Variants in TAF5L observed in about 807,000 individuals in gnomAD.
The protein encoded by TAF5L is TAF5-like RNA polymerase II p300/CBP-associated factor-associated factor 65 kDa subunit 5L.
A neutral mutation model predicts 51.3 loss-of-function variants in TAF5L; 7 were observed. The ratio of observed to expected loss-of-function variants is 0.14; its 90% CI spans 0.08 to 0.26. The LOEUF (loss-of-function observed/expected upper bound fraction) is 0.26, where lower values mean the gene tolerates loss of function less well. Among genes scored for constraint, TAF5L ranks in the 10% least tolerant of loss-of-function variants. TAF5L has a pLI of 1.00. For synonymous variants in TAF5L, 291 were observed against 308.1 expected (o/e 0.94, Z 0.58); for missense variants, 575 against 758.9 (o/e 0.76, Z 2.85).
intron 4 of TAF5L, among the ~76,000 whole-genome samples, chr1:229,595,610 C>T (rs987114175): frequency 1.3e-4 from 20 of 152,170 alleles, no homozygotes; most frequent in Admixed American, 3.3e-4. Context: ...TCCTTACTCC[C>T]ATGATGGGGG....
intron 4 of TAF5L, chr1:229,599,200 G>T: frequency 1.1e-6 from 1 of 899,412 alleles, no homozygotes; most frequent in Non-Finnish European, 1.3e-6. Context: ...ACAGTGCTGT[G>T]AATTCAGTTT....
intron 1 of TAF5L, among the ~76,000 whole-genome samples, chr1:229,623,437 T>TCCACC (rs1038159641): frequency 8.5e-5 from 13 of 152,192 alleles, no homozygotes; most frequent in African/African-American, 3.1e-4. Flanking sequence ...TGGGTCCCAC[T>TCCACC]CCACCTTCTC....
chr1:229,593,879 AG>A (rs1392915768), exon 5 of TAF5L: 1 of 156,428 alleles, frequency 6.4e-6, no homozygotes, highest in African/African-American at 2.4e-5. Flanking sequence ...TCTGCCAACA[AG>A]GACTTCCCTC....
In TAF5L at chr1:229,625,876, G is replaced by C. The variant is rs1486021891; in HGVS notation, c.-4+9C>G. 1 of 120,806 alleles carries C rather than the reference G, an allele frequency of 8.3e-6. No individual in the cohort carries two copies. The highest frequency in any genetic ancestry group is 1.7e-5 in the Non-Finnish European group (1 of 59,438). 7.5% of individuals were successfully genotyped at this position (120,806 alleles called of 1,614,324 possible). A position where few individuals can be genotyped will look rare whatever the true frequency, so the allele number is the denominator to read the frequency against. On this transcript the variant is annotated intron_variant, in intron 1 of 4. Transcript: ENST00000258281. The surrounding 1 kb of genome is among the most constrained non-coding windows in gnomAD (Gnocchi z 4.0). ...CCCGGCCCTCCCCGCCCGTGCTCCC[G>C]GCACTCACTGAACATCCCAGGCGGC...
At chr1:229,619,448 G>A (rs1665126982) in intron 1 of TAF5L, among the ~76,000 whole-genome samples, 1 of 152,182 alleles carries the variant, frequency 6.6e-6, no homozygotes, top group African/African-American at 2.4e-5. Context: ...AGGACGCAGT[G>A]AAGAATGTGG....
intron 4 of TAF5L, chr1:229,601,775 T>C: frequency 9.9e-7 from 1 of 1,014,158 alleles, no homozygotes; most frequent in Non-Finnish European, 1.2e-6. Context: ...CAACCTTCTG[T>C]GGGGAAAATA....
chr1:229,614,581 G>A, intron 1 of TAF5L, 96 bp from the exon 2 acceptor site: 1 of 1,502,312 alleles, frequency 6.7e-7, no homozygotes, highest in Non-Finnish European at 9.0e-7. Context: ...ACACATGGGA[G>A]AGAAAGACCA....
chr1:229,622,368 A>G (rs1383468536), intron 1 of TAF5L, among the ~76,000 whole-genome samples: 1 of 152,086 alleles, frequency 6.6e-6, no homozygotes, highest in Non-Finnish European at 1.5e-5. Context: ...AGCCCCAAAC[A>G]TGAGACTTTT....
At chr1:229,622,171 C>T (rs1665234620) in intron 1 of TAF5L, among the ~76,000 whole-genome samples, 1 of 152,036 alleles carries the variant, frequency 6.6e-6, no homozygotes, top group Non-Finnish European at 1.5e-5. Flanking sequence ...CCCCCACCCC[C>T]ATCAGGAAGA....
chr1:229,610,367 G>A (rs1194866174), intron 2 of TAF5L, among the ~76,000 whole-genome samples, 157 bp from the exon 3 acceptor site: 1 of 152,222 alleles, frequency 6.6e-6, no homozygotes, highest in Non-Finnish European at 1.5e-5. Flanking sequence ...GGTTAAACAT[G>A]ACAGACTGAT....
At chr1:229,603,023 C>T in intron 3 of TAF5L, 104 bp from the exon 4 acceptor site, 1 of 1,445,160 alleles carries the variant, frequency 6.9e-7, no homozygotes, top group Non-Finnish European at 9.0e-7. Context: ...CTTGCCAGGA[C>T]CCCATTTTTT....
intron 3 of TAF5L, among the ~76,000 whole-genome samples, chr1:229,605,304 C>T (rs754717534): frequency 6.6e-6 from 1 of 152,102 alleles, no homozygotes; most frequent in African/African-American, 2.4e-5. Context: ...GTTAACTTTA[C>T]CTCACCGTAT....
At chr1:229,600,972 A>G in intron 4 of TAF5L, 1 of 985,406 alleles carries the variant, frequency 1.0e-6, no homozygotes, top group Non-Finnish European at 1.2e-6. Flanking sequence ...CCTCAGTTTT[A>G]TCAGAAGAAC....
chr1:229,597,246 G>A (rs1464755206), intron 4 of TAF5L, among the ~76,000 whole-genome samples: 1 of 152,226 alleles, frequency 6.6e-6, no homozygotes, highest in Non-Finnish European at 1.5e-5. Context: ...CCTCTGAGGT[G>A]TAAGTGGTCT....
At chr1:229,601,976 A>G in intron 4 of TAF5L, 1 of 1,379,690 alleles carries the variant, frequency 7.2e-7, no homozygotes, top group Non-Finnish European at 9.4e-7. Context: ...AATACTGACC[A>G]TTCATTAATA....
chr1:229,617,873 T>G (rs572750957), intron 1 of TAF5L, among the ~76,000 whole-genome samples: 3 of 152,238 alleles, frequency 2.0e-5, no homozygotes, highest in Non-Finnish European at 4.4e-5. Context: ...CTACCATTTA[T>G]GATAAGGGCG....
At chr1:229,593,482 G>T (rs1183374372) in exon 5 of TAF5L, 3 of 152,094 alleles carry the variant, frequency 2.0e-5, no homozygotes, top group Admixed American at 6.6e-5. Flanking sequence ...GCTTTGGAAA[G>T]AATTTTTCTT....
At chr1:229,624,285 T>C (rs148148020) in intron 1 of TAF5L, among the ~76,000 whole-genome samples, 8 of 152,308 alleles carry the variant, frequency 5.3e-5, no homozygotes, top group Non-Finnish European at 1.2e-4. Context: ...CTAATTTAAT[T>C]TGTTGTTGAT....
chr1:229,617,494 C>T (rs180850191), intron 1 of TAF5L, among the ~76,000 whole-genome samples: 8 of 152,304 alleles, frequency 5.3e-5, no homozygotes, highest in African/African-American at 1.7e-4. Flanking sequence ...TCCACACTGC[C>T]GATCTTTTGC....
Sources: gnomAD v4.1 joint callset for allele counts (sites outside exome capture counted in the v4.1 genomes callset) on GRCh38, gnomAD v4.1.1 for gene constraint, Gnocchi (gnomAD v3.1) non-coding constraint, MANE v1.5 for transcripts, NCBI Gene and HGNC (gene_info 2026-07-23, HGNC 2026-07-21) for gene names.